The following CNTNAP2 variants were observed in gnomAD, a reference collection of about 807,000 sequenced individuals.
The protein encoded by CNTNAP2 is contactin-associated protein-like 2.
CNTNAP2 carries 98 observed loss-of-function variants against 155.2 expected under a neutral mutation model. That is an observed-to-expected ratio of 0.63 (90% confidence interval 0.54 to 0.75). The LOEUF (loss-of-function observed/expected upper bound fraction) is 0.75, where lower values mean the gene tolerates loss of function less well. CNTNAP2 is among the 30% of genes least tolerant of loss of function. The pLI, the probability that CNTNAP2 is intolerant of heterozygous loss-of-function variation, is 0.00. For missense variants in CNTNAP2, 1,727 were observed against 1,688.1 expected, an observed-to-expected ratio of 1.02 and a Z score of -0.40; for synonymous variants, 651 against 631.2, an observed-to-expected ratio of 1.03 and a Z score of -0.47.
intron 9 of CNTNAP2, among the ~76,000 whole-genome samples, chr7:147,313,158 T>A (rs35967654): frequency 0.48 from 69,801 of 145,778 alleles, 17,946 homozygotes; most frequent in East Asian, 0.72. Flanking sequence ...GATTCTGGAT[T>A]TTAGCCCTTT....
intron 4 of CNTNAP2, among the ~76,000 whole-genome samples, chr7:147,083,522 T>TTATATATATATATACATATATATGTG (rs1800184024): frequency 1.7e-5 from 2 of 117,864 alleles, no homozygotes; most frequent in African/African-American, 5.4e-5. Flanking sequence ...AAACATCATT[T>TTATATATATATATACATATATATGTG]TATATATATA....
chr7:146,885,256 A>C (rs1795633304), intron 3 of CNTNAP2, among the ~76,000 whole-genome samples: 1 of 152,188 alleles, frequency 6.6e-6, no homozygotes, highest in Non-Finnish European at 1.5e-5. Flanking sequence ...AATAAAATAA[A>C]AAACCTGCAG....
intron 14 of CNTNAP2, among the ~76,000 whole-genome samples, chr7:147,956,562 A>G (rs1336505533): frequency 1.3e-5 from 2 of 152,174 alleles, no homozygotes; most frequent in Non-Finnish European, 2.9e-5. Flanking sequence ...CTGAAGACAC[A>G]TGCCCATATC....
intron 1 of CNTNAP2, among the ~76,000 whole-genome samples, chr7:146,720,516 A>G (rs1801267626): frequency 6.6e-6 from 1 of 152,136 alleles, no homozygotes; most frequent in African/African-American, 2.4e-5. Flanking sequence ...TGAGCTCTGT[A>G]TATAAGGTTA....
In CNTNAP2 at chr7:148,377,825, T is replaced by C. The variant is rs1212466761; in HGVS notation, c.3476-5824T>C. Among the ~76,000 whole-genome samples, 3 of 67,684 alleles carry C rather than the reference T, an allele frequency of 4.4e-5. 1 individual carries two copies. Among genetic ancestry groups the C allele is most frequent in the East Asian group, 4.3e-4 (1 of 2,330 alleles). 44.4% of individuals were successfully genotyped at this position (67,684 alleles called of 152,430 possible). Reference sequence around the variant, plus strand: ...TTTCAACTTTACCATGGTTCAAAAGTGATATGCGTTCAGTAGAAACCGTAC... The same window carrying C: ...TTTCAACTTTACCATGGTTCAAAAGCGATATGCGTTCAGTAGAAACCGTAC... On this transcript the variant is annotated intron_variant, in intron 21 of 23. Coordinates refer to ENST00000361727, the MANE Select transcript of CNTNAP2 (RefSeq NM_014141.6).
At chr7:147,196,024 A>C (rs893318465) in intron 8 of CNTNAP2, among the ~76,000 whole-genome samples, 2 of 152,184 alleles carry the variant, frequency 1.3e-5, no homozygotes, top group African/African-American at 2.4e-5. Flanking sequence ...ATACAGTAAA[A>C]CTAGAGTCCT....
At chr7:146,155,566 T>G (rs1175519378) in intron 1 of CNTNAP2, among the ~76,000 whole-genome samples, 13 of 151,840 alleles carry the variant, frequency 8.6e-5, no homozygotes, top group Non-Finnish European at 1.5e-4. Context: ...GAATATACAC[T>G]TGGAATATGC....
intron 3 of CNTNAP2, among the ~76,000 whole-genome samples, chr7:147,036,119 C>T (rs1161393950): frequency 2.6e-5 from 4 of 152,028 alleles, no homozygotes; most frequent in Admixed American, 1.3e-4. Flanking sequence ...ATCTTGTCCA[C>T]GCCTGTTCTT....
intron 1 of CNTNAP2, among the ~76,000 whole-genome samples, chr7:146,620,880 A>G (rs931462237): frequency 6.6e-6 from 1 of 152,182 alleles, no homozygotes; most frequent in African/African-American, 2.4e-5. Context: ...TTTGAAACCA[A>G]GTAATTCTAA....
intron 4 of CNTNAP2, among the ~76,000 whole-genome samples, chr7:147,090,960 T>G (rs1000205957): frequency 2.6e-5 from 4 of 152,198 alleles, no homozygotes; most frequent in African/African-American, 9.6e-5. Context: ...AGGATCTAAC[T>G]TAAAATTCAA....
intron 15 of CNTNAP2, among the ~76,000 whole-genome samples, chr7:148,083,844 G>A (rs957851082): frequency 7.9e-5 from 12 of 152,114 alleles, no homozygotes; most frequent in Non-Finnish European, 1.5e-4. Flanking sequence ...TCTGTCACTT[G>A]TGTTAATTTC....
chr7:146,586,252 C>A (rs1426946779), intron 1 of CNTNAP2, among the ~76,000 whole-genome samples: 3 of 151,980 alleles, frequency 2.0e-5, no homozygotes, highest in African/African-American at 7.3e-5. Context: ...TAAAGAAGTG[C>A]TGCTTTCTTA....
intron 14 of CNTNAP2, among the ~76,000 whole-genome samples, chr7:147,931,978 C>T (rs943760644): frequency 3.9e-5 from 6 of 152,030 alleles, no homozygotes; most frequent in African/African-American, 9.7e-5. Flanking sequence ...CTCCGCCTCC[C>T]GTGCTCAGGC....
At chr7:148,412,236 G>A (rs561488689) in intron 23 of CNTNAP2, among the ~76,000 whole-genome samples, 77 of 152,304 alleles carry the variant, frequency 5.1e-4, no homozygotes, top group Non-Finnish European at 7.6e-4. Context: ...CATCGCTCCC[G>A]GCCTGTTGTA....
intron 1 of CNTNAP2, among the ~76,000 whole-genome samples, chr7:146,406,854 C>T (rs1485730281): frequency 6.6e-6 from 1 of 152,222 alleles, no homozygotes; most frequent in Non-Finnish European, 1.5e-5. Context: ...ATATGGAAAG[C>T]AGCCAGGTGA....
chr7:147,862,794 A>G (rs1799159302), intron 13 of CNTNAP2, among the ~76,000 whole-genome samples: 2 of 152,162 alleles, frequency 1.3e-5, no homozygotes, highest in Admixed American at 1.3e-4. Flanking sequence ...CAAACCACTG[A>G]TTGTATATGA....
intron 1 of CNTNAP2, among the ~76,000 whole-genome samples, chr7:146,405,851 G>C (rs1795783609): frequency 6.6e-6 from 1 of 152,174 alleles, no homozygotes; most frequent in Non-Finnish European, 1.5e-5. Flanking sequence ...ACAGAATGGG[G>C]CCAGTACAAT....
chr7:148,074,852 T>A (rs1011385798), intron 15 of CNTNAP2, among the ~76,000 whole-genome samples: 2 of 152,224 alleles, frequency 1.3e-5, no homozygotes, highest in African/African-American at 2.4e-5. Context: ...TCTGCCATGA[T>A]GTCTCAAAGG....
At chr7:147,975,584 A>C (rs1472348760) in intron 14 of CNTNAP2, among the ~76,000 whole-genome samples, 2 of 152,206 alleles carry the variant, frequency 1.3e-5, no homozygotes, top group Non-Finnish European at 2.9e-5. Context: ...CTCTTCCTAC[A>C]GGATAGATCT....
Sources: gnomAD v4.1 joint callset for allele counts (sites outside exome capture counted in the v4.1 genomes callset) on GRCh38, gnomAD v4.1.1 for gene constraint, MANE v1.5 for transcripts, NCBI Gene and HGNC (gene_info 2026-07-23, HGNC 2026-07-21) for gene names.